SFMBT2: variants seen among roughly 807,000 people sequenced by gnomAD.
The protein encoded by SFMBT2 is scm-like with four MBT domains protein 2.
In SFMBT2, 38 loss-of-function variants were observed where a neutral mutation model predicts 110.1. The ratio of observed to expected loss-of-function variants is 0.35; its 90% CI spans 0.27 to 0.45. The LOEUF (loss-of-function observed/expected upper bound fraction) is 0.45, where lower values mean the gene tolerates loss of function less well. Ranked by LOEUF, SFMBT2 falls within the 20% of genes least tolerant of loss-of-function variation. SFMBT2 has a pLI of 1.00. For synonymous variants in SFMBT2, 425 were observed against 425.4 expected, an observed-to-expected ratio of 1.00 and a Z score of 0.01; for missense variants, 1,011 against 1,094.9, an observed-to-expected ratio of 0.92 and a Z score of 1.08.
chr10:7,288,988 G>C (rs1405748261), intron 4 of SFMBT2, among the ~76,000 whole-genome samples: 1 of 149,038 alleles, frequency 6.7e-6, no homozygotes, highest in East Asian at 1.9e-4. Flanking sequence ...GCGAGACACT[G>C]TCTCAGAAAA....
At chr10:7,175,824 T>A (rs1838036671) in intron 17 of SFMBT2, among the ~76,000 whole-genome samples, 166 bp downstream of exon 17, 1 of 152,168 alleles carries the variant, frequency 6.6e-6, no homozygotes, top group Non-Finnish European at 1.5e-5. Context: ...TAAAAACACA[T>A]GTATCTGCTA....
intron 4 of SFMBT2, among the ~76,000 whole-genome samples, chr10:7,328,435 T>G (rs1843463219): frequency 6.6e-6 from 1 of 152,258 alleles, no homozygotes; most frequent in Non-Finnish European, 1.5e-5. Context: ...GACATTTCAT[T>G]CTTTTAAGTG....
chr10:7,195,203 T>C (rs1001710261), intron 15 of SFMBT2, among the ~76,000 whole-genome samples: 1 of 152,236 alleles, frequency 6.6e-6, no homozygotes, highest in Admixed American at 6.5e-5. Flanking sequence ...CTATTTCCGA[T>C]GGTGGCAGAA....
At chr10:7,403,071 C>T (rs1034973357) in intron 1 of SFMBT2, among the ~76,000 whole-genome samples, 1 of 152,150 alleles carries the variant, frequency 6.6e-6, no homozygotes, top group Admixed American at 6.5e-5. Context: ...TCAGTTCATA[C>T]GACAGTAAAC....
intron 10 of SFMBT2, among the ~76,000 whole-genome samples, chr10:7,224,025 A>G (rs1185457227): frequency 2.6e-5 from 4 of 152,050 alleles, no homozygotes; most frequent in African/African-American, 9.7e-5. Context: ...GGTTTAGTCT[A>G]TGTTGATTAT....
intron 6 of SFMBT2, among the ~76,000 whole-genome samples, chr10:7,283,486 A>AT (rs1842004998): frequency 6.6e-6 from 1 of 152,178 alleles, no homozygotes; most frequent in Non-Finnish European, 1.5e-5. Context: ...AGATAAATGG[A>AT]TAGATGGGTG....
At chr10:7,290,176 G>A (rs1433180837) in intron 4 of SFMBT2, among the ~76,000 whole-genome samples, 1 of 151,960 alleles carries the variant, frequency 6.6e-6, no homozygotes, top group Non-Finnish European at 1.5e-5. Flanking sequence ...TGCAATTTCA[G>A]GTGGAGGAAG....
chr10:7,169,407 T>C (rs1837802921), intron 20 of SFMBT2, among the ~76,000 whole-genome samples: 1 of 152,212 alleles, frequency 6.6e-6, no homozygotes, highest in African/African-American at 2.4e-5. Flanking sequence ...GAGACCATTT[T>C]AATTTGCTTT....
intron 11 of SFMBT2, among the ~76,000 whole-genome samples, chr10:7,211,289 A>T (rs1345150688): frequency 1.3e-5 from 2 of 152,112 alleles, no homozygotes; most frequent in Non-Finnish European, 2.9e-5. Context: ...CTGCTGCTAC[A>T]GGAAAAGCCA....
intron 11 of SFMBT2, among the ~76,000 whole-genome samples, chr10:7,209,389 G>T (rs1283330532): frequency 1.3e-5 from 2 of 152,186 alleles, no homozygotes; most frequent in African/African-American, 4.8e-5. Flanking sequence ...CTTGACTTTG[G>T]CTAAGCTGCA....
intron 8 of SFMBT2, chr10:7,244,115 C>G: frequency 1.7e-6 from 1 of 580,322 alleles, no homozygotes; most frequent in Non-Finnish European, 2.2e-6. Flanking sequence ...TACACCAGAT[C>G]ACTCAAGAAT....
chr10:7,213,693 G>A (rs2131632257), intron 11 of SFMBT2, among the ~76,000 whole-genome samples: 1 of 152,172 alleles, frequency 6.6e-6, no homozygotes, highest in Admixed American at 6.5e-5. Context: ...GAGGCCATGG[G>A]TGTGGGCACT....
At chr10:7,371,094 C>A (rs925666128) in intron 2 of SFMBT2, among the ~76,000 whole-genome samples, 5 of 152,088 alleles carry the variant, frequency 3.3e-5, no homozygotes, top group Admixed American at 1.3e-4. Context: ...CTCTTAAAAT[C>A]GTAACTATTT....
At chr10:7,218,761 T>C (rs1354028135) in intron 11 of SFMBT2, among the ~76,000 whole-genome samples, 1 of 152,208 alleles carries the variant, frequency 6.6e-6, no homozygotes, top group East Asian at 1.9e-4. Flanking sequence ...TAAATGTTGT[T>C]CATCACTCTT....
intron 7 of SFMBT2, among the ~76,000 whole-genome samples, chr10:7,249,936 G>C (rs550541634): frequency 1.3e-5 from 2 of 152,264 alleles, no homozygotes; most frequent in South Asian, 4.1e-4. Flanking sequence ...ATCAGAACAA[G>C]ACAGGATGCG....
intron 1 of SFMBT2, 132 bp from the exon 2 acceptor site, chr10:7,382,081 T>C (rs892663504): frequency 2.1e-5 from 10 of 487,412 alleles, no homozygotes; most frequent in Admixed American, 7.3e-5. Flanking sequence ...AGATGCAACA[T>C]AATGTTGTAA....
At chr10:7,373,469 C>T (rs931433391) in intron 2 of SFMBT2, among the ~76,000 whole-genome samples, 8 of 152,150 alleles carry the variant, frequency 5.3e-5, no homozygotes, top group South Asian at 2.1e-4. Context: ...CTCCCAAGAA[C>T]GATGATGGAT....
chr10:7,276,900 C>T lies in SFMBT2; in HGVS notation c.862G>A (p.Val288Met). The T allele has an allele frequency of 1.1e-6, 1 of 871,402 alleles. No homozygotes were observed. Among genetic ancestry groups the T allele is most frequent in the South Asian group, 1.3e-5 (1 of 76,518 alleles). 54.0% of individuals were successfully genotyped at this position (871,402 alleles called of 1,614,324 possible). A position where few individuals can be genotyped will look rare whatever the true frequency, so the allele number is the denominator to read the frequency against. Residue 288 changes from valine to methionine, a missense_variant, in exon 7 of 21, where the codon GTG (valine) becomes ATG (methionine). Physicochemically the swap from Val to Met is conservative, Grantham distance 21. Transcript: ENST00000397167. ...AAGAATCAACATCTTACCTTAAACA[C>T]TTCCATTGGAAGAGGAAATTTGGCA... is the stretch of plus-strand genomic sequence containing the variant. ...DAAKFPLPME[V>M]FKDHADLRSH... is the part of the protein sequence containing the mutation.
intron 1 of SFMBT2, among the ~76,000 whole-genome samples, chr10:7,383,669 T>C (rs1380998831): frequency 6.6e-6 from 1 of 152,182 alleles, no homozygotes; most frequent in Non-Finnish European, 1.5e-5. Flanking sequence ...AGATAAGTTC[T>C]TGACTAAGCC....
Sources: allele counts gnomAD v4.1 joint callset (sites outside exome capture counted in the v4.1 genomes callset), GRCh38; gene constraint gnomAD v4.1.1; transcripts MANE v1.5; gene names NCBI Gene and HGNC (gene_info 2026-07-23, HGNC 2026-07-21).